CHN2: variants seen among roughly 807,000 people sequenced by gnomAD.
The protein encoded by CHN2 is chimerin 2, also known as beta-chimaerin.
A neutral mutation model predicts 56.3 loss-of-function variants in CHN2; 35 were observed. That is an observed-to-expected ratio of 0.62 (90% CI 0.47 to 0.82). CHN2 has a LOEUF of 0.82. Among genes scored for constraint, CHN2 ranks in the 40% least tolerant of loss-of-function variants. The pLI is 0.00. For missense variants in CHN2, 491 were observed against 580.5 expected, an observed-to-expected ratio of 0.85 and a Z score of 1.58; for synonymous variants, 210 against 212.8, an observed-to-expected ratio of 0.99 and a Z score of 0.12.
chr7:29,479,450 C>A (rs1247952117), intron 6 of CHN2, among the ~76,000 whole-genome samples: 1 of 152,168 alleles, frequency 6.6e-6, no homozygotes, highest in Admixed American at 6.5e-5. Flanking sequence ...AGTGGAAAAG[C>A]TTTGCTCTCC....
chr7:29,212,457 C>T, intron 1 of CHN2: 2 of 1,598,136 alleles, frequency 1.3e-6, no homozygotes, highest in East Asian at 4.5e-5. Flanking sequence ...GACTGTCTCT[C>T]CTCTTCTTCC....
intron 10 of CHN2, 117 bp from the exon 11 acceptor site, chr7:29,507,111 G>A: frequency 1.1e-6 from 1 of 921,932 alleles, no homozygotes; most frequent in Non-Finnish European, 1.6e-6. Flanking sequence ...AGCCAAAAGA[G>A]TTAGCTGAGA....
chr7:29,244,300 G>C (rs1787906686), intron 1 of CHN2, among the ~76,000 whole-genome samples: 1 of 152,150 alleles, frequency 6.6e-6, no homozygotes, highest in South Asian at 2.1e-4. Flanking sequence ...ATTGGCTGGT[G>C]ACAGAATGTC....
At chr7:29,288,213 G>A (rs996621934) in intron 1 of CHN2, among the ~76,000 whole-genome samples, 2 of 152,164 alleles carry the variant, frequency 1.3e-5, no homozygotes, top group African/African-American at 4.8e-5. Flanking sequence ...ATTGGGTTCA[G>A]CAACTGCTTG....
At chr7:29,220,656 T>G (rs1268452845) in intron 1 of CHN2, among the ~76,000 whole-genome samples, 2 of 152,172 alleles carry the variant, frequency 1.3e-5, no homozygotes, top group African/African-American at 4.8e-5. Flanking sequence ...GAAGCGACAA[T>G]TAAATGCCTT....
chr7:29,372,944 T>C (rs1394208058), intron 3 of CHN2, among the ~76,000 whole-genome samples: 1 of 152,222 alleles, frequency 6.6e-6, no homozygotes, highest in East Asian at 1.9e-4. Flanking sequence ...ATCGCTATAG[T>C]GAATATGGGA....
chr7:29,354,293 C>G (rs1487515337), intron 1 of CHN2, among the ~76,000 whole-genome samples: 1 of 152,106 alleles, frequency 6.6e-6, no homozygotes, highest in African/African-American at 2.4e-5. Flanking sequence ...GTTTACTATG[C>G]CAAGTTAAGT....
chr7:29,358,312 C>T (rs1473151781), intron 2 of CHN2, among the ~76,000 whole-genome samples: 1 of 152,124 alleles, frequency 6.6e-6, no homozygotes, highest in African/African-American at 2.4e-5. Context: ...GTGGGAGCAT[C>T]ACTTGAGCCC....
chr7:29,512,428 C>A, intron 12 of CHN2, 136 bp from the exon 13 acceptor site: 1 of 717,428 alleles, frequency 1.4e-6, no homozygotes, highest in Non-Finnish European at 2.2e-6. Flanking sequence ...AAATACCTTT[C>A]TGCTGTTCTG....
At chr7:29,271,888 TCCC>T (rs200638317) in intron 1 of CHN2, among the ~76,000 whole-genome samples, 30 of 151,862 alleles carry the variant, frequency 2.0e-4, no homozygotes, top group African/African-American at 7.0e-4. Context: ...GCACTTCTCC[TCCC>T]CACCAACACT....
intron 1 of CHN2, among the ~76,000 whole-genome samples, chr7:29,257,095 C>T (rs2128826900): frequency 6.6e-6 from 1 of 152,296 alleles, no homozygotes; most frequent in South Asian, 2.1e-4. Flanking sequence ...TCCCAGGCTG[C>T]CTGGTCTGAA....
In CHN2 at chr7:29,183,239, C is replaced by T. The variant is rs1019583469; in HGVS notation, c.274+36279C>T. On this transcript the variant is annotated intron_variant, in intron 2 of 6. Coordinates refer to the CHN2 transcript ENST00000439384. ...AGCTGGGGTTACAGGCATATGCCAA[C>T]ATGACTGGCTAATTTTGTATTTTCA... 5.9e-5 allele frequency among the ~76,000 whole-genome samples: 9 copies of T among 152,096 alleles called. 1 individual carries two copies. Among genetic ancestry groups the T allele is most frequent in the African/African-American group, 1.9e-4 (8 of 41,400 alleles).
At position 29,215,705 on chromosome 7, in the gene CHN2, A is replaced by G. The variant is rs368237249; in HGVS notation, c.49+20715A>G. Among the ~76,000 whole-genome samples, 13 of 152,014 alleles carry G rather than the reference A, an allele frequency of 8.6e-5. No homozygotes were observed. The East Asian group carries it at 1.6e-3, about 18-fold the overall frequency. ...TTAGTGTGTGAGTATATGTGAGTGT[A>G]TGTGTATGTCATTGTGGGATGTTGC... On this transcript the variant is annotated intron_variant, in intron 1 of 12. Transcript: ENST00000222792.
At chr7:29,482,761 A>C (rs1487524357) in intron 7 of CHN2, among the ~76,000 whole-genome samples, 2 of 141,776 alleles carry the variant, frequency 1.4e-5, no homozygotes, top group African/African-American at 2.6e-5. Flanking sequence ...TGCTCATCAG[A>C]TAATAGGCTT....
intron 1 of CHN2, among the ~76,000 whole-genome samples, chr7:29,273,770 G>C (rs551647147): frequency 2.6e-5 from 4 of 151,378 alleles, no homozygotes; most frequent in Admixed American, 2.0e-4. Flanking sequence ...GCTCTGTTTA[G>C]TGTCTGAATT....
intron 6 of CHN2, among the ~76,000 whole-genome samples, chr7:29,478,913 A>G (rs1250215644): frequency 6.6e-6 from 1 of 152,174 alleles, no homozygotes; most frequent in Admixed American, 6.5e-5. Context: ...GGAATAAAGA[A>G]TTACACATGG....
intron 1 of CHN2, among the ~76,000 whole-genome samples, chr7:29,340,105 A>T (rs912364920): frequency 1.3e-5 from 2 of 152,182 alleles, no homozygotes; most frequent in Non-Finnish European, 2.9e-5. Flanking sequence ...AAAATGTCTT[A>T]GATGACTAAA....
intron 2 of CHN2, among the ~76,000 whole-genome samples, chr7:29,359,750 A>T (rs1798582672): frequency 6.6e-6 from 1 of 152,240 alleles, no homozygotes; most frequent in African/African-American, 2.4e-5. Context: ...TAAAAATAAT[A>T]ATAAAGCTAC....
At chr7:29,177,477 C>T (rs920816166) in intron 2 of CHN2, among the ~76,000 whole-genome samples, 6 of 152,010 alleles carry the variant, frequency 3.9e-5, no homozygotes, top group Middle Eastern at 7.0e-3. Flanking sequence ...TGGTCTCAAA[C>T]TCCTGACCTC....
Sources: gnomAD v4.1 joint callset for allele counts (sites outside exome capture counted in the v4.1 genomes callset) on GRCh38, gnomAD v4.1.1 for gene constraint, MANE v1.5 for transcripts, NCBI Gene and HGNC (gene_info 2026-07-23, HGNC 2026-07-21) for gene names.